TRAPPC9: variants seen among roughly 807,000 people sequenced by gnomAD.
The protein encoded by TRAPPC9 is IKK2 binding protein.
In TRAPPC9, 83 loss-of-function variants were observed where a neutral mutation model predicts 124.0. The observed-to-expected ratio is 0.67, with a 90% CI of 0.56 to 0.80. The LOEUF (loss-of-function observed/expected upper bound fraction) is 0.80. TRAPPC9 is among the 30% of genes least tolerant of loss of function. The pLI is 0.00. For missense variants in TRAPPC9, 1,302 were observed against 1,508.3 expected (o/e 0.86, Z 2.27); for synonymous variants, 638 against 617.5 (o/e 1.03, Z -0.49).
At chr8:140,172,547 G>A (rs1478374635) in intron 17 of TRAPPC9, among the ~76,000 whole-genome samples, 3 of 151,798 alleles carry the variant, frequency 2.0e-5, no homozygotes, top group Non-Finnish European at 4.4e-5. Context: ...GTGGACAGGG[G>A]GTTAAACTAC....
At chr8:140,352,615 G>A (rs867874291) in intron 9 of TRAPPC9, among the ~76,000 whole-genome samples, 5 of 152,138 alleles carry the variant, frequency 3.3e-5, no homozygotes, top group East Asian at 1.9e-4. Context: ...TACACTGGCC[G>A]CCGCTCCCTG....
chr8:140,313,366 G>A (rs760577668), intron 9 of TRAPPC9, among the ~76,000 whole-genome samples: 3 of 152,108 alleles, frequency 2.0e-5, no homozygotes, highest in Admixed American at 6.6e-5. Context: ...CACTTGCACC[G>A]TTATCCAAGA....
chr8:139,905,707 G>A (rs1387023905), intron 20 of TRAPPC9, among the ~76,000 whole-genome samples: 1 of 152,178 alleles, frequency 6.6e-6, no homozygotes, highest in African/African-American at 2.4e-5. Context: ...TTGCTGTACA[G>A]TAGCTAACAC....
At chr8:140,039,423 A>G (rs1473035781) in intron 17 of TRAPPC9, among the ~76,000 whole-genome samples, 1 of 152,254 alleles carries the variant, frequency 6.6e-6, no homozygotes, top group Non-Finnish European at 1.5e-5. Context: ...ATTTTCCAGT[A>G]TACTCAGCGC....
intron 15 of TRAPPC9, among the ~76,000 whole-genome samples, chr8:140,267,864 C>CA (rs2064736632): frequency 6.6e-6 from 1 of 152,186 alleles, no homozygotes; most frequent in Admixed American, 6.5e-5. Context: ...GATGGGGTTT[C>CA]ACCATATTGG....
rs2063143830 is a variant in TRAPPC9 at position 140,214,500 on chromosome 8, C to T, written c.2556+6959G>A. Among the ~76,000 whole-genome samples, 2 of 152,244 alleles carry T rather than the reference C, an allele frequency of 1.3e-5. 1 individual carries two copies. Among genetic ancestry groups the T allele is most frequent in the South Asian group, 4.1e-4 (2 of 4,836 alleles). Reference sequence around the variant, plus strand: ...TGACCAAATCTCATTTTCCTCCTTACATACAAGAATGAAGTTCCAATGAAT... The same window carrying T: ...TGACCAAATCTCATTTTCCTCCTTATATACAAGAATGAAGTTCCAATGAAT... On this transcript the variant is annotated intron_variant, in intron 17 of 22. Coordinates refer to ENST00000438773, the MANE Select transcript of TRAPPC9 (RefSeq NM_001160372.4).
intron 21 of TRAPPC9, among the ~76,000 whole-genome samples, chr8:139,827,178 C>T (rs913475703): frequency 1.3e-5 from 2 of 152,212 alleles, no homozygotes; most frequent in Non-Finnish European, 1.5e-5. Context: ...GCCCGGGAAG[C>T]GCCTACAGCA....
rs2132135939 is a variant in TRAPPC9, at chr8:140,353,453, G to T, written c.1495+6597C>A. Among the ~76,000 whole-genome samples, 1 of 152,306 alleles carries T rather than the reference G, an allele frequency of 6.6e-6. No individual in the cohort carries two copies. Among genetic ancestry groups the T allele is most frequent in the African/African-American group, 2.4e-5 (1 of 41,560 alleles). On this transcript the variant is annotated intron_variant, in intron 9 of 22. Coordinates refer to ENST00000438773, the MANE Select transcript of TRAPPC9 (RefSeq NM_001160372.4). This position sits in a 1 kb window ranked among gnomAD's most constrained non-coding sequence, Gnocchi z 4.2. Reference sequence around the variant, plus strand: ...ACAGTAGCAGAGCCTACATATGGTTGAACCTTACTCGCTCACCTGGGGCTT... The same window carrying T: ...ACAGTAGCAGAGCCTACATATGGTTTAACCTTACTCGCTCACCTGGGGCTT...
At chr8:139,839,636 G>T (rs901122193) in intron 21 of TRAPPC9, among the ~76,000 whole-genome samples, 9 of 152,176 alleles carry the variant, frequency 5.9e-5, no homozygotes, top group Admixed American at 5.2e-4. Context: ...CCCCGAAAGC[G>T]GATGCTCATG....
chr8:139,911,983 G>C, intron 19 of TRAPPC9, among the ~76,000 whole-genome samples: 1 of 152,166 alleles, frequency 6.6e-6, no homozygotes. Context: ...ACAAGAGCTA[G>C]AGACGCTCCC....
chr8:139,963,179 G>C (rs1017060340), intron 19 of TRAPPC9, among the ~76,000 whole-genome samples: 2 of 152,108 alleles, frequency 1.3e-5, no homozygotes, highest in Admixed American at 6.5e-5. Flanking sequence ...TAGACCTTTG[G>C]ATACAATACA....
At chr8:140,139,407 C>G (rs1587791314) in intron 17 of TRAPPC9, among the ~76,000 whole-genome samples, 1 of 152,194 alleles carries the variant, frequency 6.6e-6, no homozygotes, top group Admixed American at 6.5e-5. Context: ...CACAGAATTT[C>G]CGATCCAGCA....
intron 5 of TRAPPC9, among the ~76,000 whole-genome samples, chr8:140,410,283 C>T (rs2069657595): frequency 6.6e-6 from 1 of 152,124 alleles, no homozygotes; most frequent in African/African-American, 2.4e-5. Context: ...TGCCTGTAAG[C>T]CCTGCCCTTT....
At chr8:139,979,079 A>G (rs902048694) in intron 19 of TRAPPC9, among the ~76,000 whole-genome samples, 1 of 152,056 alleles carries the variant, frequency 6.6e-6, no homozygotes. Context: ...ACAGCAGGCC[A>G]GGTGCGGAGC....
At chr8:140,139,979 T>C (rs997141979) in intron 17 of TRAPPC9, among the ~76,000 whole-genome samples, 2 of 152,188 alleles carry the variant, frequency 1.3e-5, no homozygotes, top group African/African-American at 4.8e-5. Context: ...ACAGCTACCA[T>C]TTACTGAGGG....
intron 8 of TRAPPC9, among the ~76,000 whole-genome samples, chr8:140,369,767 C>T (rs1484154687): frequency 8.5e-5 from 13 of 152,128 alleles, no homozygotes; most frequent in Non-Finnish European, 1.9e-4. Flanking sequence ...GCCTGGCCAA[C>T]ATGGTGAAAC....
chr8:140,275,755 G>T lies in TRAPPC9; in HGVS notation c.2181C>A (p.Tyr727Ter). Residue 727 changes from tyrosine to a stop codon, truncating the protein, a stop_gained, in exon 15 of 23, where the codon TAC (tyrosine) becomes TAA (stop). Coordinates refer to ENST00000438773, the MANE Select transcript of TRAPPC9 (RefSeq NM_001160372.4). LOFTEE classifies it high-confidence loss of function. ...EISTNVSVQL[Y>*]NGESQQLIIK... is the part of the protein sequence containing the mutation. ...TGATTAGTTGCTGACTTTCTCCATT[G>T]TAAAGCTGGACAGATACATTAGTAG... is the stretch of plus-strand genomic sequence containing the variant. 8 of 1,613,476 alleles carry T rather than the reference G, an allele frequency of 5.0e-6. No individual in the cohort carries two copies. The highest frequency in any genetic ancestry group is 6.8e-6 in the Non-Finnish European group (8 of 1,179,418).
chr8:139,988,839 G>A lies in TRAPPC9; in HGVS notation c.2700-3C>T, dbSNP rs1837438136. 2.6e-6 allele frequency: 4 copies of A among 1,541,748 alleles called. No individual in the cohort carries two copies. Among genetic ancestry groups the A allele is most frequent in the Non-Finnish European group, 3.5e-6 (4 of 1,138,532 alleles). The stretch of plus-strand genomic sequence containing the variant: ...GGAGCAGGTGACACTGCCGGGTACT[G>A]CGTTAAAGAAAAAAGAAAGTTCAGA... On this transcript the variant is annotated splice_region_variant and splice_polypyrimidine_tract_variant and intron_variant, in intron 18 of 22. Transcript: ENST00000438773.
chr8:140,024,548 C>G (rs572296078), intron 17 of TRAPPC9, among the ~76,000 whole-genome samples: 1 of 152,256 alleles, frequency 6.6e-6, no homozygotes, highest in Admixed American at 6.5e-5. Context: ...CAGGTGCACA[C>G]CACCACGCCT....
Sources: allele counts gnomAD v4.1 joint callset (sites outside exome capture counted in the v4.1 genomes callset), GRCh38; gene constraint gnomAD v4.1.1; non-coding constraint Gnocchi (gnomAD v3.1); transcripts MANE v1.5; gene names NCBI Gene and HGNC (gene_info 2026-07-23, HGNC 2026-07-21).